The following ZNF177 variants were observed in gnomAD, a reference collection of about 807,000 sequenced individuals.
ZNF177 encodes zinc finger protein 177.
A neutral mutation model predicts 19.4 loss-of-function variants in ZNF177; 17 were observed. The ratio of observed to expected loss-of-function variants is 0.87; its 90% CI spans 0.60 to 1.31. The LOEUF (loss-of-function observed/expected upper bound fraction) is 1.31. ZNF177 is among the 40% of genes most tolerant of loss of function. ZNF177 has a pLI of 0.00. For missense variants in ZNF177, 633 were observed against 561.8 expected (o/e 1.13, Z -1.28); for synonymous variants, 220 against 188.7 (o/e 1.17, Z -1.36).
At chr19:9,372,162 G>A (rs1278084814), upstream of ZNF177, among the ~76,000 whole-genome samples, 2 of 152,056 alleles carry the variant, frequency 1.3e-5, no homozygotes, top group Non-Finnish European at 2.9e-5. Context: ...GAGATAGGTC[G>A]ATTTGCTTGC....
exon 6 of ZNF177, chr19:9,381,606 G>A (rs368224393): frequency 5.6e-6 from 9 of 1,613,702 alleles, no homozygotes; most frequent in Non-Finnish European, 7.6e-6. Context: ...AAACCTATGA[G>A]TGTAAAGAAT....
At chr19:9,371,737 C>T (rs573321634), upstream of ZNF177, 11 of 152,052 alleles carry the variant, frequency 7.2e-5, no homozygotes, top group African/African-American at 2.2e-4. Flanking sequence ...GCTTATGATA[C>T]TTCTAGTACC....
At chr19:9,379,733 T>C in intron 4 of ZNF177, 114 bp downstream of exon 6, 1 of 1,259,018 alleles carries the variant, frequency 7.9e-7, no homozygotes, top group African/African-American at 1.5e-5. Flanking sequence ...TTCCTTCCTG[T>C]TTCACCATCT....
intron 1 of ZNF177, among the ~76,000 whole-genome samples, chr19:9,363,806 C>A (rs533410452): frequency 3.1e-4 from 47 of 152,206 alleles, no homozygotes; most frequent in African/African-American, 1.1e-3. Context: ...TTTATTCTCC[C>A]TTTATAATCC....
intron 2 of ZNF177, chr19:9,378,727 AT>A: frequency 1.6e-6 from 1 of 630,602 alleles, no homozygotes; most frequent in Non-Finnish European, 2.4e-6. Context: ...AGCCAACCAT[AT>A]TTTAGAAAAG....
chr19:9,380,663 A>G lies in ZNF177; in HGVS notation c.337-5A>G. ...TCTAGTCACCACTTACTCCCTTTTC[A>G]ACAGGCAGAAAATCAACCTGGTGAG... is the stretch of plus-strand genomic sequence containing the variant. On this transcript the variant is annotated splice_region_variant and splice_polypyrimidine_tract_variant and intron_variant, in intron 5 of 5. Coordinates refer to ENST00000589262, the Ensembl canonical transcript of ZNF177. The G allele has an allele frequency of 6.5e-7, 1 of 1,535,756 alleles. No individual in the cohort carries two copies. The highest frequency in any genetic ancestry group is 2.4e-5 in the East Asian group (1 of 40,908).
Position 9,380,990 on chromosome 19 carries a change from C to T in ZNF177, c.659C>T (p.Ser220Leu). Residue 220 changes from serine to leucine, a missense_variant, in exon 6 of 6, where the codon TCA becomes TTA. By Grantham distance (145) the Ser-to-Leu change is moderately radical. Coordinates refer to ENST00000589262, the Ensembl canonical transcript of ZNF177. ...TCCTTCAGCCTACACTCTTCCTGCT[C>T]AGTACGTGAGCAAATACCTACTGGA... 1.3e-6 allele frequency: 2 copies of T among 1,559,272 alleles called. No individual in the cohort carries two copies. Among genetic ancestry groups the T allele is most frequent in the Non-Finnish European group, 8.6e-7 (1 of 1,158,706 alleles).
chr19:9,364,553 G>A (rs1272718200), intron 1 of ZNF177, among the ~76,000 whole-genome samples: 1 of 152,156 alleles, frequency 6.6e-6, no homozygotes, highest in East Asian at 1.9e-4. Flanking sequence ...TTTGCAAATT[G>A]CATTTTGAGA....
At chr19:9,375,104 G>A (rs902632172), upstream of ZNF177, among the ~76,000 whole-genome samples, 3 of 151,458 alleles carry the variant, frequency 2.0e-5, no homozygotes, top group Admixed American at 6.6e-5. Flanking sequence ...TGATGATATA[G>A]TTTTTATCCT....
chr19:9,381,012 T>G, exon 6 of ZNF177: 1 of 1,584,374 alleles, frequency 6.3e-7, no homozygotes, highest in Non-Finnish European at 8.5e-7. Flanking sequence ...AAATACCTAC[T>G]GGAGAGAAAG....
At position 9,380,547 on chromosome 19, in the gene ZNF177, T is replaced by C. The variant is rs1036493772; in HGVS notation, c.337-121T>C. On this transcript the variant is annotated intron_variant, in intron 5 of 5. Transcript: ENST00000589262. ...AGTCATACGCACCTACTGAAAATGGTACACATGTCAGTCATGATCATGTGC... is the reference window on the plus strand; with the variant it reads ...AGTCATACGCACCTACTGAAAATGGCACACATGTCAGTCATGATCATGTGC... The C allele has an allele frequency of 2.1e-5, 32 of 1,528,292 alleles. No homozygotes were observed. The African/African-American group carries it at 4.0e-4, about 19-fold the overall frequency. The allele number at this position is 1,528,292 out of a possible 1,614,324, so 94.7% of individuals were successfully genotyped here. A position where few individuals can be genotyped will look rare whatever the true frequency, so the allele number is the denominator to read the frequency against.
intron 2 of ZNF177, among the ~76,000 whole-genome samples, chr19:9,366,923 C>T (rs2067987676): frequency 6.6e-6 from 1 of 152,196 alleles, no homozygotes; most frequent in Non-Finnish European, 1.5e-5. Flanking sequence ...TTGCATTTCC[C>T]TGGTGTCTAA....
intron 3 of ZNF177, 150 bp from the exon 6 acceptor site, chr19:9,379,377 A>G (rs1019498023): frequency 5.7e-6 from 7 of 1,222,876 alleles, no homozygotes; most frequent in African/African-American, 3.1e-5. Flanking sequence ...TTGTGAAAGA[A>G]AGAGCTCGGC....
chr19:9,364,289 C>T (rs544792980), intron 1 of ZNF177, among the ~76,000 whole-genome samples: 2 of 152,166 alleles, frequency 1.3e-5, no homozygotes, highest in South Asian at 4.2e-4. Context: ...AAGGCCTCGG[C>T]GGTTTTGGAG....
intron 2 of ZNF177, among the ~76,000 whole-genome samples, chr19:9,370,682 A>C (rs963121515): frequency 6.6e-6 from 1 of 152,166 alleles, no homozygotes; most frequent in Non-Finnish European, 1.5e-5. Flanking sequence ...CCAGCTTTCC[A>C]AAGTGCTGGG....
upstream of ZNF177, among the ~76,000 whole-genome samples, chr19:9,375,909 T>G (rs969968317): frequency 6.6e-6 from 1 of 152,298 alleles, no homozygotes; most frequent in African/African-American, 2.4e-5. Context: ...GCTTAGCTGC[T>G]GCTTTTTCTA....
At chr19:9,374,099 A>G (rs1385728994), upstream of ZNF177, among the ~76,000 whole-genome samples, 1 of 152,116 alleles carries the variant, frequency 6.6e-6, no homozygotes, top group South Asian at 2.1e-4. Context: ...TTAAGGATCT[A>G]ATTTCACTTT....
At chr19:9,373,397 T>C (rs1031643959), upstream of ZNF177, among the ~76,000 whole-genome samples, 8 of 152,236 alleles carry the variant, frequency 5.3e-5, no homozygotes, top group African/African-American at 1.7e-4. Flanking sequence ...TAAATAATGC[T>C]GCAATGAATA....
chr19:9,379,756 A>G, intron 4 of ZNF177, 137 bp downstream of exon 6: 1 of 1,036,496 alleles, frequency 9.6e-7, no homozygotes, highest in South Asian at 1.8e-5. Context: ...TCAATCGTTC[A>G]TACGTTCATT....
Sources: gnomAD v4.1 joint callset for allele counts (sites outside exome capture counted in the v4.1 genomes callset) on GRCh38, gnomAD v4.1.1 for gene constraint, MANE v1.5 for transcripts, NCBI Gene and HGNC (gene_info 2026-07-23, HGNC 2026-07-21) for gene names.